The following ACTL8 variants were observed in gnomAD, a reference collection of about 807,000 sequenced individuals.
The protein encoded by ACTL8 is actin-like protein 8.
In ACTL8, 3 loss-of-function variants were observed where a neutral mutation model predicts 9.3. The observed-to-expected ratio is 0.32, with a 90% CI of 0.15 to 0.83. The LOEUF is 0.83. Ranked by LOEUF, ACTL8 falls within the 40% of genes least tolerant of loss-of-function variation. ACTL8 has a pLI of 0.57. For missense variants in ACTL8, 381 were observed against 492.2 expected (o/e 0.77, Z 2.14); for synonymous variants, 224 against 205.9 (o/e 1.09, Z -0.75).
intron 1 of ACTL8, among the ~76,000 whole-genome samples, chr1:17,785,534 C>T (rs137945213): frequency 6.6e-6 from 1 of 152,350 alleles, no homozygotes; most frequent in Admixed American, 6.5e-5. Context: ...GAGCAGTTGA[C>T]AGCACAGATG....
In ACTL8 at chr1:17,766,383, G is replaced by A. The variant is rs116797707; in HGVS notation, c.-25+10879G>A. On this transcript the variant is annotated intron_variant, in intron 1 of 2. Transcript: ENST00000375406. ...TTCCTTGAAATTGTACAGCGTATGA[G>A]TGGCAGAGCCTGGCTCAAACCCGGG... is the stretch of plus-strand genomic sequence containing the variant. Among the ~76,000 whole-genome samples the A allele has an allele frequency of 9.6e-3, 1,461 of 152,284 alleles. 27 individuals are homozygous for A. Among genetic ancestry groups the A allele is most frequent in the African/African-American group, 0.032 (1,349 of 41,554 alleles).
chr1:17,808,515 G>C (rs1237020523), intron 1 of ACTL8, among the ~76,000 whole-genome samples: 5 of 152,214 alleles, frequency 3.3e-5, no homozygotes, highest in Non-Finnish European at 7.3e-5. Flanking sequence ...GGTGGGTGGC[G>C]TGGGGACAAC....
In ACTL8 at chr1:17,825,998, G is replaced by C. The variant is rs755378719; in HGVS notation, c.580G>C (p.Asp194His). Residue 194 changes from aspartate (D) to histidine (H), a missense_variant, in exon 3 of 3, where the codon GAT (aspartate) becomes CAT (histidine). Transcript: ENST00000375406. ...LLKSLFKEDCDRRCLFQLETV... is the reference protein window; with the variant it reads ...LLKSLFKEDCHRRCLFQLETV... ...CAAGAGTCTCTTTAAGGAAGATTGC[G>C]ATAGACGCTGCCTGTTTCAGCTGGA... 1.2e-6 allele frequency: 2 copies of C among 1,607,998 alleles called. No individual in the cohort carries two copies. The highest frequency in any genetic ancestry group is 1.7e-6 in the Non-Finnish European group (2 of 1,179,992).
chr1:17,782,791 C>T (rs577914621), intron 1 of ACTL8, among the ~76,000 whole-genome samples: 71 of 152,320 alleles, frequency 4.7e-4, no homozygotes, highest in Non-Finnish European at 8.4e-4. Context: ...ACGCCACAGA[C>T]TCTAAACCGT....
At chr1:17,771,874 G>A (rs930598640) in intron 1 of ACTL8, among the ~76,000 whole-genome samples, 1 of 152,148 alleles carries the variant, frequency 6.6e-6, no homozygotes, top group African/African-American at 2.4e-5. Context: ...AATGGAAGAG[G>A]GGGTGTTTTC....
At chr1:17,808,543 C>A (rs1031456317) in intron 1 of ACTL8, among the ~76,000 whole-genome samples, 3 of 152,184 alleles carry the variant, frequency 2.0e-5, no homozygotes, top group Non-Finnish European at 4.4e-5. Flanking sequence ...CTTCTCTAAG[C>A]CTCATTCCTT....
chr1:17,778,378 G>A (rs913563385), intron 1 of ACTL8, among the ~76,000 whole-genome samples: 6 of 151,936 alleles, frequency 3.9e-5, no homozygotes, highest in Admixed American at 6.6e-5. Flanking sequence ...GTGGGGGAGG[G>A]TATGAAGGGG....
chr1:17,794,350 A>G (rs1335582337), intron 1 of ACTL8, among the ~76,000 whole-genome samples: 1 of 152,176 alleles, frequency 6.6e-6, no homozygotes, highest in Admixed American at 6.5e-5. Context: ...ACTAGCAACA[A>G]TATCCTGGGT....
chr1:17,818,933 G>A (rs2053621418), intron 1 of ACTL8, among the ~76,000 whole-genome samples: 1 of 152,216 alleles, frequency 6.6e-6, no homozygotes, highest in Non-Finnish European at 1.5e-5. Context: ...TGTAGAATTG[G>A]TGGCTTAGTA....
At chr1:17,780,179 G>A (rs2066144975) in intron 1 of ACTL8, among the ~76,000 whole-genome samples, 1 of 152,158 alleles carries the variant, frequency 6.6e-6, no homozygotes, top group Non-Finnish European at 1.5e-5. Flanking sequence ...CTGCACTCCA[G>A]CCTGGGCGAC....
chr1:17,808,571 T>C (rs2066374021), intron 1 of ACTL8, among the ~76,000 whole-genome samples: 1 of 152,222 alleles, frequency 6.6e-6, no homozygotes, highest in African/African-American at 2.4e-5. Flanking sequence ...AAACTGGCAA[T>C]GATACTATGC....
intron 1 of ACTL8, among the ~76,000 whole-genome samples, chr1:17,785,943 A>G (rs1364263447): frequency 6.6e-6 from 1 of 152,054 alleles, no homozygotes; most frequent in Non-Finnish European, 1.5e-5. Flanking sequence ...TAGAGGCTGG[A>G]GTTGGGAGAG....
At chr1:17,818,951 T>C (rs1294744855) in intron 1 of ACTL8, among the ~76,000 whole-genome samples, 1 of 152,234 alleles carries the variant, frequency 6.6e-6, no homozygotes, top group East Asian at 1.9e-4. Context: ...GTAAAAATGC[T>C]TCTGAATATA....
At chr1:17,793,914 G>T (rs2066259204) in intron 1 of ACTL8, among the ~76,000 whole-genome samples, 1 of 152,186 alleles carries the variant, frequency 6.6e-6, no homozygotes, top group Non-Finnish European at 1.5e-5. Context: ...CCTGGTAGAG[G>T]ATGGGAAGGG....
At chr1:17,772,759 G>A (rs1557429776) in intron 1 of ACTL8, among the ~76,000 whole-genome samples, 1 of 152,128 alleles carries the variant, frequency 6.6e-6, no homozygotes, top group African/African-American at 2.4e-5. Context: ...TAAGTCCCAC[G>A]TGCTCTGGAG....
At chr1:17,766,946 C>A (rs1325077128) in intron 1 of ACTL8, among the ~76,000 whole-genome samples, 1 of 152,120 alleles carries the variant, frequency 6.6e-6, no homozygotes, top group African/African-American at 2.4e-5. Context: ...GCAAAACAGA[C>A]AAAGTTTTGC....
chr1:17,761,134 ATT>A (rs935834059), intron 1 of ACTL8, among the ~76,000 whole-genome samples: 35 of 131,362 alleles, frequency 2.7e-4, no homozygotes, highest in African/African-American at 5.1e-4. Context: ...TTGCGGCTTA[ATT>A]TTTTTTTTTT....
At chr1:17,810,211 C>T (rs1033848644) in intron 1 of ACTL8, among the ~76,000 whole-genome samples, 1 of 152,202 alleles carries the variant, frequency 6.6e-6, no homozygotes, top group Non-Finnish European at 1.5e-5. Flanking sequence ...TTCCTAAAAG[C>T]TTTTCATTTA....
intron 1 of ACTL8, among the ~76,000 whole-genome samples, chr1:17,780,399 C>T (rs999070686): frequency 2.3e-4 from 35 of 152,112 alleles, no homozygotes; most frequent in Non-Finnish European, 5.1e-4. Flanking sequence ...GATCCTAGTT[C>T]TCCCACAGTC....
Sources: gnomAD v4.1 joint callset for allele counts (sites outside exome capture counted in the v4.1 genomes callset) on GRCh38, gnomAD v4.1.1 for gene constraint, MANE v1.5 for transcripts, NCBI Gene and HGNC (gene_info 2026-07-23, HGNC 2026-07-21) for gene names.